NCAM2: variants seen among roughly 807,000 people sequenced by gnomAD.
The protein encoded by NCAM2 is neural cell adhesion molecule 2.
In NCAM2, 30 loss-of-function variants were observed where a neutral mutation model predicts 98.1. That is an observed-to-expected ratio of 0.31 (90% CI 0.23 to 0.41). The LOEUF is 0.41. Ranked by LOEUF, NCAM2 falls within the 10% of genes least tolerant of loss-of-function variation. The pLI is 1.00. For synonymous variants in NCAM2, 368 were observed against 342.4 expected, an observed-to-expected ratio of 1.07 and a Z score of -0.83; for missense variants, 867 against 1,005.8, an observed-to-expected ratio of 0.86 and a Z score of 1.87.
intron 4 of NCAM2, among the ~76,000 whole-genome samples, chr21:21,287,587 T>C (rs1015028008): frequency 6.6e-6 from 1 of 151,926 alleles, no homozygotes; most frequent in African/African-American, 2.4e-5. Context: ...TGTCTAAATA[T>C]TTTCAGACTG....
At chr21:21,295,247 C>T (rs979959728) in intron 5 of NCAM2, among the ~76,000 whole-genome samples, 18 of 110 alleles carry the variant, frequency 0.16, no homozygotes, top group Non-Finnish European at 0.3. Context: ...CCAATTCATA[C>T]TCTTTTGTTC....
chr21:21,295,705 T>A (rs1011316144), intron 5 of NCAM2, among the ~76,000 whole-genome samples: 2 of 151,824 alleles, frequency 1.3e-5, no homozygotes, highest in Admixed American at 1.3e-4. Context: ...AGATTACAGT[T>A]GATCTGCAAG....
At chr21:21,506,277 G>T (rs1457404464) in intron 15 of NCAM2, among the ~76,000 whole-genome samples, 1 of 151,914 alleles carries the variant, frequency 6.6e-6, no homozygotes, top group Non-Finnish European at 1.5e-5. Flanking sequence ...GTTGAGTAAT[G>T]TGCAACATAT....
intron 5 of NCAM2, among the ~76,000 whole-genome samples, chr21:21,314,650 C>T (rs1264792795): frequency 6.6e-6 from 1 of 152,054 alleles, no homozygotes; most frequent in Non-Finnish European, 1.5e-5. Context: ...AGTCTATTCA[C>T]TTTTTCCTTT....
At chr21:21,246,089 G>A (rs2071260470) in intron 1 of NCAM2, among the ~76,000 whole-genome samples, 2 of 152,244 alleles carry the variant, frequency 1.3e-5, no homozygotes, top group African/African-American at 4.8e-5. Context: ...GTGATAAAAG[G>A]TACTGAGCCT....
intron 8 of NCAM2, 112 bp from the exon 9 acceptor site, chr21:21,373,751 C>CTTT: frequency 1.0e-6 from 1 of 981,790 alleles, no homozygotes; most frequent in Non-Finnish European, 1.4e-6. Context: ...GGAACAGTTT[C>CTTT]TTTTTTCTTT....
chr21:21,028,418 G>C (rs1239871213), intron 1 of NCAM2, among the ~76,000 whole-genome samples: 3 of 152,200 alleles, frequency 2.0e-5, no homozygotes, highest in African/African-American at 7.2e-5. Context: ...GGCCTGACCA[G>C]CTCTTTCGAG....
At chr21:21,362,599 A>G (rs2075675544) in intron 8 of NCAM2, among the ~76,000 whole-genome samples, 1 of 152,096 alleles carries the variant, frequency 6.6e-6, no homozygotes, top group Non-Finnish European at 1.5e-5. Flanking sequence ...ATGAAATTTC[A>G]TGTTTCCTCC....
At chr21:21,071,080 A>C (rs927148232) in intron 1 of NCAM2, among the ~76,000 whole-genome samples, 1 of 152,194 alleles carries the variant, frequency 6.6e-6, no homozygotes, top group Non-Finnish European at 1.5e-5. Flanking sequence ...TTACAAACAC[A>C]TAATCAAAGC....
At chr21:21,459,900 C>T (rs1982710460) in intron 12 of NCAM2, among the ~76,000 whole-genome samples, 1 of 151,752 alleles carries the variant, frequency 6.6e-6, no homozygotes, top group Non-Finnish European at 1.5e-5. Flanking sequence ...GTTAACAATG[C>T]ATATTAAAAT....
intron 12 of NCAM2, among the ~76,000 whole-genome samples, chr21:21,447,416 C>T (rs1263968302): frequency 6.6e-6 from 1 of 152,168 alleles, no homozygotes; most frequent in African/African-American, 2.4e-5. Flanking sequence ...GGATTAAAGA[C>T]TTAAATGTAA....
At chr21:21,453,478 CTT>C (rs1026204595) in intron 12 of NCAM2, among the ~76,000 whole-genome samples, 1 of 152,000 alleles carries the variant, frequency 6.6e-6, no homozygotes, top group Non-Finnish European at 1.5e-5. Context: ...ATGGAGAAGA[CTT>C]TGCATTTTAT....
chr21:21,004,581 A>G (rs917240876), intron 1 of NCAM2, among the ~76,000 whole-genome samples: 2 of 152,342 alleles, frequency 1.3e-5, no homozygotes, highest in African/African-American at 4.8e-5. Context: ...TAAAAAGCCA[A>G]ATAAGCATGA....
chr21:21,057,559 T>C (rs1469694878), intron 1 of NCAM2, among the ~76,000 whole-genome samples: 1 of 152,094 alleles, frequency 6.6e-6, no homozygotes, highest in Admixed American at 6.6e-5. Flanking sequence ...AAAGTCCTCA[T>C]GCACCCGACA....
chr21:21,483,515 A>C (rs770243743), intron 15 of NCAM2, among the ~76,000 whole-genome samples: 1 of 152,086 alleles, frequency 6.6e-6, no homozygotes, highest in Admixed American at 6.5e-5. Context: ...ACACTAATAA[A>C]TCCTTCATCA....
At chr21:21,124,681 C>A (rs1364902391) in intron 1 of NCAM2, among the ~76,000 whole-genome samples, 1 of 152,152 alleles carries the variant, frequency 6.6e-6, no homozygotes, top group Admixed American at 6.5e-5. Context: ...AGTTTAAGTA[C>A]CTTTTTTTCT....
At chr21:21,225,739 C>T (rs1437952049) in intron 1 of NCAM2, among the ~76,000 whole-genome samples, 1 of 151,732 alleles carries the variant, frequency 6.6e-6, no homozygotes, top group Non-Finnish European at 1.5e-5. Context: ...ATTGAATTTC[C>T]AGAAATCACA....
At chr21:21,481,753 G>A (rs569513841) in intron 15 of NCAM2, among the ~76,000 whole-genome samples, 96 of 152,194 alleles carry the variant, frequency 6.3e-4, no homozygotes, top group Non-Finnish European at 9.9e-4. Flanking sequence ...CTGATACAAA[G>A]CCATCACAAC....
chr21:21,011,414 A>T (rs1049562029), intron 1 of NCAM2, among the ~76,000 whole-genome samples: 3 of 152,020 alleles, frequency 2.0e-5, no homozygotes, highest in Non-Finnish European at 4.4e-5. Context: ...CTCTAGCTTC[A>T]GGTTTTTATC....
Sources: allele counts gnomAD v4.1 joint callset (sites outside exome capture counted in the v4.1 genomes callset), GRCh38; gene constraint gnomAD v4.1.1; transcripts MANE v1.5; gene names NCBI Gene and HGNC (gene_info 2026-07-23, HGNC 2026-07-21).